Variants in NDNF observed in about 807,000 individuals in gnomAD.
The protein encoded by NDNF is protein NDNF.
NDNF carries 16 observed loss-of-function variants against 42.0 expected under a neutral mutation model. The observed-to-expected ratio is 0.38, with a 90% confidence interval of 0.26 to 0.58. NDNF has a LOEUF of 0.58. Among genes scored for constraint, NDNF ranks in the 20% least tolerant of loss-of-function variants. NDNF has a pLI of 0.67. For synonymous variants in NDNF, 248 were observed against 251.7 expected, an observed-to-expected ratio of 0.99 and a Z score of 0.14; for missense variants, 616 against 666.2, an observed-to-expected ratio of 0.92 and a Z score of 0.83.
intron 3 of NDNF, 64 bp downstream of exon 3, chr4:121,039,866 A>G: frequency 1.3e-6 from 2 of 1,550,894 alleles, no homozygotes; most frequent in Non-Finnish European, 1.7e-6. Context: ...AGAAGGTTGT[A>G]TGTTTCACAA....
intron 1 of NDNF, among the ~76,000 whole-genome samples, chr4:121,069,030 T>C (rs1199061820): frequency 1.3e-5 from 2 of 152,230 alleles, no homozygotes; most frequent in Non-Finnish European, 2.9e-5. Flanking sequence ...ACTTTATTTC[T>C]ACTTTTCTCC....
rs143361779 is a variant in NDNF, at chr4:121,069,656, AT to A, written c.-2+2336del. 3.0e-3 allele frequency among the ~76,000 whole-genome samples: 454 copies of A among 152,368 alleles called. 2 individuals are homozygous for A. The highest frequency in any genetic ancestry group is 0.011 in the African/African-American group (439 of 41,582). On this transcript the variant is annotated intron_variant, in intron 1 of 3. Transcript: ENST00000379692. Reference sequence around the variant, plus strand: ...AATGCAGACAAGGCTGCAAGCTGTTATGTTTCAAGTGTGTGGTAAAGATTAA... The same window carrying A: ...AATGCAGACAAGGCTGCAAGCTGTTAGTTTCAAGTGTGTGGTAAAGATTAA...
chr4:121,053,290 C>T (rs1161252733), intron 1 of NDNF, among the ~76,000 whole-genome samples: 3 of 152,110 alleles, frequency 2.0e-5, no homozygotes, highest in Admixed American at 6.6e-5. Context: ...GCCAAGGATT[C>T]GAATAAAGTT....
chr4:121,037,091 C>G lies in NDNF; in HGVS notation c.880G>C (p.Gly294Arg). The change falls in exon 4 of 4, where the codon GGA becomes CGA. Residue 294 changes from glycine (G) to arginine (R), a missense_variant. Coordinates refer to ENST00000379692, the MANE Select transcript of NDNF (RefSeq NM_024574.4). ...PKVDIQKICI[G>R]NKNIFTVSDL... ...GAGACGGTGAAGATGTTCTTGTTTC[C>G]TATGCAGATTTTCTGAATATCAACC... 6.2e-7 allele frequency: 1 copy of G among 1,613,864 alleles called. No individual in the cohort carries two copies. The highest frequency in any genetic ancestry group is 8.5e-7 in the Non-Finnish European group (1 of 1,179,992).
chr4:121,036,576 G>A lies in NDNF; in HGVS notation c.1395C>T (p.Ala465=). ...AFDKLRTCSS[A]TVAWLGTQER... ...CCTGAGTGCCTAGCCAAGCCACGGT[G>A]GCTGAGGAACAGGTACGGAGCTTGT... The change falls in exon 4 of 4, where the codon GCC becomes GCT. Residue 465 remains alanine, a synonymous_variant. Transcript: ENST00000379692. 6.2e-7 allele frequency: 1 copy of A among 1,614,076 alleles called. No homozygotes were observed. The highest frequency in any genetic ancestry group is 1.1e-5 in the South Asian group (1 of 91,064).
rs1307121828 is a variant in NDNF, at chr4:121,038,617, C to T, written c.314-960G>A. 3.3e-5 allele frequency among the ~76,000 whole-genome samples: 5 copies of T among 152,012 alleles called. No homozygotes were observed. In the East Asian group the frequency reaches 9.7e-4, roughly 29 times the overall value. On this transcript the variant is annotated intron_variant, in intron 3 of 3. Coordinates refer to ENST00000379692, the MANE Select transcript of NDNF (RefSeq NM_024574.4). Reference sequence around the variant, plus strand: ...AGAAACCTTTTCCAGCTTATCATTGCAGGTTGAAAGTGAGCTATACAGAAT... The same window carrying T: ...AGAAACCTTTTCCAGCTTATCATTGTAGGTTGAAAGTGAGCTATACAGAAT...
In NDNF at chr4:121,036,191, T is replaced by C. The variant is rs72911671; in HGVS notation, c.*73A>G. 7.6e-3 allele frequency: 9,083 copies of C among 1,190,842 alleles called. 425 individuals are homozygous for C. The African/African-American group carries it at 0.11, about 14-fold the overall frequency. The allele number at this position is 1,190,842 out of a possible 1,614,324, so 73.8% of individuals were successfully genotyped here. ...TCACAACTTCTCTCAACTGTGGGAGTAGTCAGTTTATACTTAAAGTGATTT... is the reference window on the plus strand; with the variant it reads ...TCACAACTTCTCTCAACTGTGGGAGCAGTCAGTTTATACTTAAAGTGATTT... On this transcript the variant is annotated 3_prime_UTR_variant, in exon 4 of 4. Coordinates refer to ENST00000379692, the MANE Select transcript of NDNF (RefSeq NM_024574.4).
At chr4:121,040,871 T>A (rs932765501) in intron 2 of NDNF, among the ~76,000 whole-genome samples, 5 of 152,164 alleles carry the variant, frequency 3.3e-5, no homozygotes, top group Non-Finnish European at 1.5e-5. Flanking sequence ...TCTCAAATTC[T>A]TGGCCTCCAG....
At chr4:121,057,020 G>A (rs981404200) in intron 1 of NDNF, among the ~76,000 whole-genome samples, 1 of 152,216 alleles carries the variant, frequency 6.6e-6, no homozygotes, top group Non-Finnish European at 1.5e-5. Context: ...ACTGCCTGAC[G>A]TGCTGCGAAT....
chr4:121,057,401 C>A (rs1727315112), intron 1 of NDNF, among the ~76,000 whole-genome samples: 1 of 152,164 alleles, frequency 6.6e-6, no homozygotes, highest in Admixed American at 6.5e-5. Context: ...GTCTTTGCAC[C>A]TGGGAACCTG....
chr4:121,038,311 C>T (rs977039031), intron 3 of NDNF: 1 of 149,638 alleles, frequency 6.7e-6, no homozygotes, highest in Admixed American at 6.6e-5. Context: ...ATGATTGCAC[C>T]ACTGTGCTCT....
At position 121,045,765 on chromosome 4, in the gene NDNF, G is replaced by T; in HGVS notation, c.73C>A (p.Arg25=). ...TGCATCTGAAAAAGTTCCTCATCCC[G>T]GGTGGGTAACTTCTGGGTCCTTGAG... The part of the protein sequence containing the change: ...LSSRTQKLPT[R]DEELFQMQIR... The change falls in exon 2 of 4, where the codon CGG becomes AGG. Residue 25 remains arginine (R), a synonymous_variant. Transcript: ENST00000379692. The T allele has an allele frequency of 6.2e-7, 1 of 1,614,128 alleles. No individual in the cohort carries two copies. The highest frequency in any genetic ancestry group is 2.2e-5 in the East Asian group (1 of 44,886).
intron 1 of NDNF, among the ~76,000 whole-genome samples, chr4:121,063,018 C>CT (rs936408829): frequency 6.6e-6 from 1 of 151,860 alleles, no homozygotes; most frequent in African/African-American, 2.4e-5. Context: ...TTTGGAGTAT[C>CT]TTTTTTATAT....
intron 1 of NDNF, among the ~76,000 whole-genome samples, chr4:121,055,641 T>G (rs1034498313): frequency 1.3e-5 from 2 of 152,158 alleles, no homozygotes; most frequent in Non-Finnish European, 2.9e-5. Flanking sequence ...AGGCATTCTC[T>G]TTAAATGATG....
chr4:121,047,814 T>C (rs1301806471), intron 1 of NDNF, among the ~76,000 whole-genome samples: 1 of 152,200 alleles, frequency 6.6e-6, no homozygotes, highest in African/African-American at 2.4e-5. Context: ...TTAAGTTGCC[T>C]GAAGTAATCT....
intron 1 of NDNF, among the ~76,000 whole-genome samples, chr4:121,063,859 G>A (rs1201609724): frequency 6.6e-6 from 1 of 152,104 alleles, no homozygotes; most frequent in East Asian, 1.9e-4. Context: ...TTTAGAACTG[G>A]TGCTTTTTAC....
At chr4:121,037,733 T>A in intron 3 of NDNF, 76 bp from the exon 4 acceptor site, 1 of 1,014,192 alleles carries the variant, frequency 9.9e-7, no homozygotes, top group African/African-American at 1.6e-5. Context: ...TATCCTTTTA[T>A]CTTATTTTTT....
Position 121,067,923 on chromosome 4 carries a change from C to T in NDNF, c.-2+4070G>A, listed in dbSNP as rs1043633446. On this transcript the variant is annotated intron_variant, in intron 1 of 3. Coordinates refer to ENST00000379692, the MANE Select transcript of NDNF (RefSeq NM_024574.4). ...GGTTGTGTGTTTAGGAAGGAAGCAG[C>T]CAAGGATACACCTGCTTTTGGCACT... Among the ~76,000 whole-genome samples the T allele has an allele frequency of 4.6e-5, 7 of 152,278 alleles. 1 individual carries two copies.
At chr4:121,043,359 C>T (rs1267479857) in intron 2 of NDNF, among the ~76,000 whole-genome samples, 3 of 152,146 alleles carry the variant, frequency 2.0e-5, no homozygotes, top group Admixed American at 6.5e-5. Flanking sequence ...ATATCAACAA[C>T]ATGTTTGTGT....
Sources: allele counts gnomAD v4.1 joint callset (sites outside exome capture counted in the v4.1 genomes callset), GRCh38; gene constraint gnomAD v4.1.1; transcripts MANE v1.5; gene names NCBI Gene and HGNC (gene_info 2026-07-23, HGNC 2026-07-21).